The following NCOA7 variants were observed in gnomAD, a reference collection of about 807,000 sequenced individuals.
NCOA7 encodes 140 kDa estrogen receptor-associated protein.
Under a neutral mutation model 104.3 loss-of-function variants are expected in NCOA7, and 45 were observed. That is an observed-to-expected ratio of 0.43 (90% CI 0.34 to 0.55). The LOEUF (loss-of-function observed/expected upper bound fraction) is 0.55, where lower values mean the gene tolerates loss of function less well. Among genes scored for constraint, NCOA7 ranks in the 20% least tolerant of loss-of-function variants. NCOA7 has a pLI of 0.02. For missense variants in NCOA7, 1,041 were observed against 1,119.7 expected, an observed-to-expected ratio of 0.93 and a Z score of 1.00; for synonymous variants, 398 against 402.3, an observed-to-expected ratio of 0.99 and a Z score of 0.13.
At chr6:125,841,137 G>A (rs147307752) in intron 2 of NCOA7, among the ~76,000 whole-genome samples, 1,609 of 151,698 alleles carry the variant, frequency 0.011, 21 homozygotes, top group East Asian at 0.034. Flanking sequence ...GAGATCCACT[G>A]CCTCGGCTTC....
At chr6:125,844,919 G>T (rs555537403) in intron 2 of NCOA7, among the ~76,000 whole-genome samples, 1 of 152,236 alleles carries the variant, frequency 6.6e-6, no homozygotes, top group East Asian at 1.9e-4. Flanking sequence ...CCAGGCACAG[G>T]TTGTGTTTAA....
chr6:125,809,438 C>T (rs1351039413), intron 1 of NCOA7, among the ~76,000 whole-genome samples: 1 of 152,176 alleles, frequency 6.6e-6, no homozygotes, highest in African/African-American at 2.4e-5. Flanking sequence ...CTGCTTCAGC[C>T]TCCCAAAGTG....
chr6:125,921,162 C>T lies in NCOA7; in HGVS notation c.2370+94C>T. The T allele has an allele frequency of 2.0e-6, 3 of 1,481,322 alleles. No homozygotes were observed. In the South Asian group the frequency reaches 3.7e-5, roughly 18 times the overall value. The allele number at this position is 1,481,322 out of a possible 1,614,324, so 91.8% of individuals were successfully genotyped here. On this transcript the variant is annotated intron_variant, in intron 12 of 15. Transcript: ENST00000392477. ...CAGTGGCTCATGCCTGTAATCCTCA[C>T]ACTTTGGGAGGCCAAGGCAGGCGGA...
chr6:125,859,260 A>T (rs1781846936), intron 3 of NCOA7, among the ~76,000 whole-genome samples: 1 of 152,058 alleles, frequency 6.6e-6, no homozygotes, highest in African/African-American at 2.4e-5. Flanking sequence ...AGAGGCAAAA[A>T]TTGACAGACT....
At chr6:125,797,678 C>G (rs1268905296) in intron 1 of NCOA7, among the ~76,000 whole-genome samples, 2 of 152,168 alleles carry the variant, frequency 1.3e-5, no homozygotes, top group Non-Finnish European at 2.9e-5. Context: ...ATAAGTGTCA[C>G]CCCTGCAGTA....
chr6:125,850,193 T>C (rs2128614537), intron 2 of NCOA7, among the ~76,000 whole-genome samples: 1 of 152,318 alleles, frequency 6.6e-6, no homozygotes, highest in South Asian at 2.1e-4. Flanking sequence ...TTGATCTCTA[T>C]ACTTGGAAGG....
intron 10 of NCOA7, among the ~76,000 whole-genome samples, chr6:125,900,198 T>C (rs1388232907): frequency 6.6e-6 from 1 of 152,150 alleles, no homozygotes; most frequent in African/African-American, 2.4e-5. Flanking sequence ...TTGCTACATC[T>C]TCTCATCTTT....
chr6:125,899,709 C>T (rs7766180), intron 10 of NCOA7, among the ~76,000 whole-genome samples: 32,908 of 152,050 alleles, frequency 0.22, 5,095 homozygotes, highest in African/African-American at 0.45. Context: ...TGCTTGCTCT[C>T]CCTTCCTGAT....
At chr6:125,821,943 G>A (rs550484134) in intron 2 of NCOA7, among the ~76,000 whole-genome samples, 86 of 152,306 alleles carry the variant, frequency 5.6e-4, no homozygotes, top group Middle Eastern at 3.4e-3. Context: ...CTGCAGCACT[G>A]GTGGAGCACA....
At chr6:125,853,753 G>A (rs1781321366) in intron 2 of NCOA7, among the ~76,000 whole-genome samples, 1 of 152,104 alleles carries the variant, frequency 6.6e-6, no homozygotes, top group African/African-American at 2.4e-5. Flanking sequence ...CATGTATTAT[G>A]TCAATTAAGC....
At chr6:125,874,659 C>T (rs1022812908) in intron 3 of NCOA7, among the ~76,000 whole-genome samples, 15 of 152,160 alleles carry the variant, frequency 9.9e-5, no homozygotes, top group African/African-American at 3.6e-4. Flanking sequence ...AGTAACTAAA[C>T]ATTACCTCAT....
intron 1 of NCOA7, among the ~76,000 whole-genome samples, chr6:125,802,921 CCTG>C: frequency 6.6e-6 from 1 of 152,140 alleles, no homozygotes; most frequent in Non-Finnish European, 1.5e-5. Context: ...TGGCATATTC[CCTG>C]CTGCTTAGAC....
chr6:125,820,861 G>C (rs1778114235), intron 2 of NCOA7, among the ~76,000 whole-genome samples: 1 of 152,156 alleles, frequency 6.6e-6, no homozygotes, highest in Non-Finnish European at 1.5e-5. Context: ...GTTAGGTTCT[G>C]GGATATAATG....
At chr6:125,882,044 G>C (rs1783882484) in intron 6 of NCOA7, among the ~76,000 whole-genome samples, 1 of 152,128 alleles carries the variant, frequency 6.6e-6, no homozygotes, top group South Asian at 2.1e-4. Flanking sequence ...ACTGGAGACA[G>C]GGTTTCACCA....
At position 125,889,479 on chromosome 6, in the gene NCOA7, T is replaced by A; in HGVS notation, c.1425T>A (p.Asp475Glu). Residue 475 changes from aspartate to glutamate, a missense_variant, in exon 9 of 16, where the codon GAT (aspartate) becomes GAA (glutamate). Physicochemically the swap from Asp to Glu is conservative, Grantham distance 45. Coordinates refer to ENST00000392477, the MANE Select transcript of NCOA7 (RefSeq NM_181782.5). ...TAGCCTTTTTGGGAACAGAGAATGA[T>A]GTTGAACTGAAGGGGGCGCTAGATT... ...SALAFLGTEN[D>E]VELKGALDLE... 1 of 1,614,104 alleles carries A rather than the reference T, an allele frequency of 6.2e-7. No homozygotes were observed.
chr6:125,793,295 C>T (rs1298905977), intron 1 of NCOA7, among the ~76,000 whole-genome samples: 1 of 152,166 alleles, frequency 6.6e-6, no homozygotes, highest in Non-Finnish European at 1.5e-5. Context: ...ACACTTTAAG[C>T]TTTTCAAAAA....
At position 125,785,720 on chromosome 6, in the gene NCOA7, A is replaced by G. The variant is rs188340853; in HGVS notation, c.-141-417A>G. On this transcript the variant is annotated intron_variant, in intron 1 of 16. Transcript: ENST00000368357. The stretch of plus-strand genomic sequence containing the variant: ...GAATTCTCAAGCTACTGAACAGACT[A>G]TTCGTAGAAGAAATAAGACAACAGG... Among the ~76,000 whole-genome samples, 676 of 152,364 alleles carry G rather than the reference A, an allele frequency of 4.4e-3. 4 individuals are homozygous for G. The highest frequency in any genetic ancestry group is 0.016 in the African/African-American group (647 of 41,584).
chr6:125,909,568 T>A (rs1025443569), intron 10 of NCOA7, among the ~76,000 whole-genome samples: 2 of 152,088 alleles, frequency 1.3e-5, no homozygotes, highest in Admixed American at 1.3e-4. Flanking sequence ...CCCAGCACTT[T>A]GGGAGGCTGA....
At chr6:125,824,795 G>A (rs1778505252) in intron 2 of NCOA7, among the ~76,000 whole-genome samples, 2 of 152,054 alleles carry the variant, frequency 1.3e-5, no homozygotes, top group African/African-American at 2.4e-5. Flanking sequence ...GTCTTGCTCT[G>A]TTGCCCAGGC....
Sources: allele counts gnomAD v4.1 joint callset (sites outside exome capture counted in the v4.1 genomes callset), GRCh38; gene constraint gnomAD v4.1.1; transcripts MANE v1.5; gene names NCBI Gene and HGNC (gene_info 2026-07-23, HGNC 2026-07-21).